MED13L: variants seen among roughly 807,000 people sequenced by gnomAD.
MED13L encodes mediator complex subunit 13L.
A neutral mutation model predicts 220.9 loss-of-function variants in MED13L; 7 were observed. That is an observed-to-expected ratio of 0.03 (90% confidence interval 0.02 to 0.06). The LOEUF (loss-of-function observed/expected upper bound fraction) is 0.06. Among genes scored for constraint, MED13L ranks in the 10% least tolerant of loss-of-function variants. The probability of loss-of-function intolerance (pLI) is 1.00; values close to 1 mark genes in which losing one functional copy is unlikely to be tolerated. For synonymous variants in MED13L, 1,011 were observed against 1,015.2 expected (o/e 1.00, Z 0.08); for missense variants, 1,965 against 2,760.5 (o/e 0.71, Z 6.46).
intron 1 of MED13L, among the ~76,000 whole-genome samples, chr12:116,274,369 G>A (rs1208775534): frequency 7.0e-6 from 1 of 143,832 alleles, no homozygotes; most frequent in Admixed American, 7.0e-5. Flanking sequence ...TCTAACTAAT[G>A]AGAGTATCTA....
chr12:116,206,434 A>G (rs1177406470), intron 2 of MED13L, among the ~76,000 whole-genome samples: 2 of 152,248 alleles, frequency 1.3e-5, no homozygotes, highest in South Asian at 2.1e-4. Flanking sequence ...CCAGTGAAGG[A>G]ATGATACTTC....
intron 1 of MED13L, among the ~76,000 whole-genome samples, chr12:116,254,681 A>G (rs1871879741): frequency 6.6e-6 from 1 of 151,484 alleles, no homozygotes; most frequent in East Asian, 1.9e-4. Context: ...TGCTTGAACT[A>G]GAGAGGCGGA....
chr12:116,232,539 G>C (rs979717237), intron 2 of MED13L, among the ~76,000 whole-genome samples: 20 of 152,176 alleles, frequency 1.3e-4, no homozygotes, highest in Non-Finnish European at 2.8e-4. Flanking sequence ...AAGTCAATCT[G>C]CCGGGAGTGC....
At position 115,997,245 on chromosome 12, in the gene MED13L, TA is replaced by T. The variant is rs775501740; in HGVS notation, c.2570-16del. 8.1e-6 allele frequency: 13 copies of T among 1,611,196 alleles called. No homozygotes were observed. Among genetic ancestry groups the T allele is most frequent in the Non-Finnish European group, 1.1e-5 (13 of 1,178,276 alleles). ...GTCTGCAACTGCTAAAAATAAGAAATAAAAAAAATTTGTTTAATAGGAAGGG... is the reference window on the plus strand; with the variant it reads ...GTCTGCAACTGCTAAAAATAAGAAATAAAAAAATTTGTTTAATAGGAAGGG... On this transcript the variant is annotated splice_polypyrimidine_tract_variant and intron_variant, in intron 14 of 30. Transcript: ENST00000281928.
rs754490654 is a variant in MED13L, at chr12:115,980,895, T to C, written c.5219A>G (p.Gln1740Arg). The change falls in exon 23 of 31, where the codon CAA becomes CGA. Residue 1740 changes from glutamine to arginine, a missense_variant. Gln to Arg is a conservative substitution (Grantham distance 43). This residue lies in a region of MED13L where 510 missense variants were observed against 620.4 expected (regional missense o/e 0.82). Transcript: ENST00000281928. Reference protein sequence around the residue: ...QYMLQTMKDEQVFYIQYLKSM... With the variant: ...QYMLQTMKDERVFYIQYLKSM... The stretch of plus-strand genomic sequence containing the variant: ...CTTCAAGTATTGAATGTAGAAAACT[T>C]GCTCATCCTTCATTGTCTGCAGCAT... The C allele has an allele frequency of 1.2e-6, 2 of 1,613,278 alleles. No homozygotes were observed. Among genetic ancestry groups the C allele is most frequent in the Non-Finnish European group, 1.7e-6 (2 of 1,179,994 alleles).
intron 1 of MED13L, among the ~76,000 whole-genome samples, chr12:116,272,983 ACATT>A (rs1223284825): frequency 2.0e-5 from 3 of 152,232 alleles, no homozygotes; most frequent in Non-Finnish European, 2.9e-5. Context: ...CCGAAAACAT[ACATT>A]AACAAATTGT....
intron 2 of MED13L, among the ~76,000 whole-genome samples, chr12:116,185,616 A>C (rs1346120657): frequency 6.7e-6 from 1 of 150,338 alleles, no homozygotes; most frequent in Non-Finnish European, 1.5e-5. Flanking sequence ...CGGCACATTT[A>C]ATTTCTTAGA....
intron 4 of MED13L, among the ~76,000 whole-genome samples, chr12:116,050,453 A>C (rs1868386567): frequency 6.6e-6 from 1 of 152,198 alleles, no homozygotes; most frequent in South Asian, 2.1e-4. Context: ...CACCACTGAG[A>C]CACTCTAATA....
At chr12:116,249,667 A>G (rs1016859840) in intron 1 of MED13L, among the ~76,000 whole-genome samples, 1 of 149,912 alleles carries the variant, frequency 6.7e-6, no homozygotes, top group Admixed American at 6.7e-5. Context: ...AAATTTCCAC[A>G]GCTCAAATAT....
chr12:115,975,505 G>C lies in MED13L; in HGVS notation c.5588+10C>G. The C allele has an allele frequency of 6.2e-7, 1 of 1,610,562 alleles. No homozygotes were observed. The highest frequency in any genetic ancestry group is 8.5e-7 in the Non-Finnish European group (1 of 1,176,922). ...AATTTACATGCACCATAAACATCAAGTCTTCTCACCTGTTTGGTAAAGCAA... is the reference window on the plus strand; with the variant it reads ...AATTTACATGCACCATAAACATCAACTCTTCTCACCTGTTTGGTAAAGCAA... On this transcript the variant is annotated intron_variant, in intron 24 of 30. Transcript: ENST00000281928.
intron 2 of MED13L, among the ~76,000 whole-genome samples, chr12:116,219,828 C>T (rs112990918): frequency 2.0e-5 from 3 of 152,128 alleles, no homozygotes; most frequent in South Asian, 2.1e-4. Flanking sequence ...GACAGAGTCT[C>T]GCTCTGTCTC....
intron 2 of MED13L, among the ~76,000 whole-genome samples, chr12:116,147,487 T>C (rs983451743): frequency 2.0e-5 from 3 of 152,216 alleles, no homozygotes; most frequent in Non-Finnish European, 2.9e-5. Context: ...GTTACTGTTA[T>C]CCTTGCCAAA....
At chr12:116,256,048 A>C (rs1872013016) in intron 1 of MED13L, among the ~76,000 whole-genome samples, 1 of 152,230 alleles carries the variant, frequency 6.6e-6, no homozygotes, top group African/African-American at 2.4e-5. Context: ...GATGGCTGAA[A>C]TTTGTAAAAA....
At chr12:116,063,362 A>G (rs1019258954) in intron 4 of MED13L, among the ~76,000 whole-genome samples, 1 of 152,130 alleles carries the variant, frequency 6.6e-6, no homozygotes, top group African/African-American at 2.4e-5. Context: ...AATAAAAATA[A>G]AAATAATTAG....
intron 4 of MED13L, among the ~76,000 whole-genome samples, chr12:116,057,484 C>G (rs1018996486): frequency 2.0e-5 from 3 of 151,746 alleles, no homozygotes; most frequent in Admixed American, 2.0e-4. Context: ...CTCTGACTGA[C>G]TGATGGCAGA....
chr12:116,259,803 T>C (rs960113317), intron 1 of MED13L, among the ~76,000 whole-genome samples: 2 of 152,264 alleles, frequency 1.3e-5, no homozygotes, highest in African/African-American at 4.8e-5. Flanking sequence ...GGATCCTTCA[T>C]GTTTTGTGTT....
chr12:116,167,295 C>T lies in MED13L; in HGVS notation c.311-55783G>A, dbSNP rs1879352136. 2.0e-5 allele frequency among the ~76,000 whole-genome samples: 3 copies of T among 151,988 alleles called. 1 individual carries two copies. In the South Asian group the frequency reaches 6.2e-4, roughly 32 times the overall value. On this transcript the variant is annotated intron_variant, in intron 2 of 30. Transcript: ENST00000281928. ...ATTATGTTTACAAATGAAAAGCATC[C>T]CTCGAATACAAGCAGTTTAAACAAC... is the stretch of plus-strand genomic sequence containing the variant.
intron 28 of MED13L, among the ~76,000 whole-genome samples, chr12:115,967,027 C>G (rs1051082646): frequency 6.6e-6 from 1 of 151,762 alleles, no homozygotes; most frequent in Non-Finnish European, 1.5e-5. Flanking sequence ...AAAAATTAGC[C>G]AGGCACAGTA....
chr12:116,092,957 C>A (rs188976211), intron 4 of MED13L, among the ~76,000 whole-genome samples: 1 of 152,132 alleles, frequency 6.6e-6, no homozygotes, highest in Admixed American at 6.5e-5. Flanking sequence ...CTTCTGTATA[C>A]CTGATACCAG....
Sources: allele counts gnomAD v4.1 joint callset (sites outside exome capture counted in the v4.1 genomes callset), GRCh38; gene constraint gnomAD v4.1.1; regional missense constraint gnomAD v4.1.1; transcripts MANE v1.5; gene names NCBI Gene and HGNC (gene_info 2026-07-23, HGNC 2026-07-21).